The following BCAR1 variants were observed in gnomAD, a reference collection of about 807,000 sequenced individuals.
BCAR1 encodes BCAR1 scaffold protein, Cas family member.
BCAR1 carries 30 observed loss-of-function variants against 67.6 expected under a neutral mutation model. The observed-to-expected ratio is 0.44, with a 90% CI of 0.33 to 0.60. BCAR1 has a LOEUF of 0.60. BCAR1 is among the 20% of genes least tolerant of loss of function. The pLI, the probability that BCAR1 is intolerant of heterozygous loss-of-function variation, is 0.02. For missense variants in BCAR1, 1,313 were observed against 1,222.3 expected (o/e 1.07, Z -1.11); for synonymous variants, 626 against 556.7 (o/e 1.12, Z -1.75).
At position 75,229,873 on chromosome 16, in the gene BCAR1, A is replaced by C; in HGVS notation, c.2251T>G (p.Cys751Gly). The C allele has an allele frequency of 6.2e-7, 1 of 1,613,168 alleles. No individual in the cohort carries two copies. Among genetic ancestry groups the C allele is most frequent in the Non-Finnish European group, 8.5e-7 (1 of 1,179,932 alleles). ...GTCAGTGTGGTCAGGTTGGCCTCAC[A>C]CTGCTCCAGGTAGAAGAGCAGCAGC... ...RQLLLFYLEQ[C>G]EANLTTLTNA... The change falls in exon 7 of 7, where the codon TGT (cysteine) becomes GGT (glycine). Residue 751 changes from cysteine (C) to glycine (G), a missense_variant. By Grantham distance (159) the Cys-to-Gly change is radical. This residue lies in a region of BCAR1 where 1,272 missense variants were observed against 1,137.5 expected (regional missense o/e 1.12). Transcript: ENST00000162330.
rs569527168 is a variant in BCAR1 at position 75,238,667 on chromosome 16, C to T, written c.634-1323G>A. The T allele has an allele frequency of 1.3e-5, 13 of 986,004 alleles. No individual in the cohort carries two copies. The South Asian group carries it at 5.2e-4, about 39-fold the overall frequency. The allele number at this position is 986,004 out of a possible 1,614,324, so 61.1% of individuals were successfully genotyped here. A position where few individuals can be genotyped will look rare whatever the true frequency, so the allele number is the denominator to read the frequency against. On this transcript the variant is annotated intron_variant, in intron 2 of 6. Coordinates refer to ENST00000162330, the MANE Select transcript of BCAR1 (RefSeq NM_014567.5). ...TGGTAGCAGAGTCCCGGCTGGGGGC[C>T]TCCGTGGGGTGTCCCCGCCCCCTTC...
chr16:75,240,641 G>C (rs567719323), intron 2 of BCAR1, among the ~76,000 whole-genome samples: 52 of 152,304 alleles, frequency 3.4e-4, no homozygotes, highest in African/African-American at 1.1e-3. Flanking sequence ...CATACATTAT[G>C]CATTTTCTAC....
chr16:75,229,499 G>C lies in BCAR1; in HGVS notation c.*12C>G, dbSNP rs891254433. The C allele has an allele frequency of 1.9e-6, 3 of 1,545,096 alleles. No homozygotes were observed. The highest frequency in any genetic ancestry group is 4.2e-4 in the Middle Eastern group (2 of 4,718). On this transcript the variant is annotated 3_prime_UTR_variant, in exon 7 of 7. Transcript: ENST00000162330. Reference sequence around the variant, plus strand: ...GCACCCCTCCCCTGCCTCCCTCCTGGGGTCACCACCCTCAGGCGGCTGCCA... The same window carrying C: ...GCACCCCTCCCCTGCCTCCCTCCTGCGGTCACCACCCTCAGGCGGCTGCCA...
chr16:75,236,055 C>T lies in BCAR1; in HGVS notation c.913-69G>A. 5 of 1,485,246 alleles carry T rather than the reference C, an allele frequency of 3.4e-6. No individual in the cohort carries two copies. In the South Asian group the frequency reaches 4.0e-5, roughly 12 times the overall value. 92.0% of individuals were successfully genotyped at this position (1,485,246 alleles called of 1,614,324 possible). On this transcript the variant is annotated intron_variant, in intron 4 of 6. Coordinates refer to ENST00000162330, the MANE Select transcript of BCAR1 (RefSeq NM_014567.5). ...CCCACCCCAGGGACTGGGGGCAGCA[C>T]CCAGCCACACACACACACACACGTA...
At chr16:75,238,403 C>T (rs1219151835) in intron 2 of BCAR1, 6 of 1,067,896 alleles carry the variant, frequency 5.6e-6, no homozygotes, top group East Asian at 1.1e-4. Flanking sequence ...GACTCAGGGC[C>T]TCCCCGCACA....
In BCAR1 at chr16:75,242,556, G is replaced by T; in HGVS notation, c.547C>A (p.Pro183Thr). 2.7e-6 allele frequency: 4 copies of T among 1,493,054 alleles called. No homozygotes were observed. Among genetic ancestry groups the T allele is most frequent in the Non-Finnish European group, 3.6e-6 (4 of 1,121,730 alleles). 92.5% of individuals were successfully genotyped at this position (1,493,054 alleles called of 1,614,324 possible). A position where few individuals can be genotyped will look rare whatever the true frequency, so the allele number is the denominator to read the frequency against. ...GPAQDIYQVP[P>T]SAGMGHDIYQ... ...ATGTCATGCCCCATCCCGGCAGAAG[G>T]TGGCACCTGGTAAATATCCTGGGCA... is the stretch of plus-strand genomic sequence containing the variant. Residue 183 changes from proline to threonine, a missense_variant, in exon 2 of 7, where the codon CCT (proline) becomes ACT (threonine). Around this residue, in one of 2 missense-constraint regions of BCAR1, gnomAD observed 1,272 missense variants for 1,137.5 expected, o/e 1.12. Transcript: ENST00000162330.
intron 1 of BCAR1, chr16:75,250,862 G>T: frequency 1.0e-6 from 1 of 985,466 alleles, no homozygotes; most frequent in African/African-American, 1.7e-5. Context: ...GGCGCTCGGC[G>T]TGCGGGGCTG....
chr16:75,266,693 C>A, intron 1 of BCAR1: 1 of 1,368,038 alleles, frequency 7.3e-7, no homozygotes, highest in Non-Finnish European at 9.6e-7. Flanking sequence ...TTTCATAGGC[C>A]CAGGCACTGA....
rs939322378 is a variant in BCAR1, at chr16:75,229,172, G to A, written c.*339C>T. 15 of 271,166 alleles carry A rather than the reference G, an allele frequency of 5.5e-5. No homozygotes were observed. The highest frequency in any genetic ancestry group is 1.4e-4 in the South Asian group (1 of 7,380). The allele number at this position is 271,166 out of a possible 1,614,324, so 16.8% of individuals were successfully genotyped here. A position where few individuals can be genotyped will look rare whatever the true frequency, so the allele number is the denominator to read the frequency against. ...CTGCACTGGCCCTGTCAGGGGACAC[G>A]GCACCCTCGTGGGACCAGGCTCAGC... is the stretch of plus-strand genomic sequence containing the variant. On this transcript the variant is annotated 3_prime_UTR_variant, in exon 7 of 7. Transcript: ENST00000162330.
At chr16:75,267,983 C>T in exon 1 of BCAR1, 1 of 1,581,294 alleles carries the variant, frequency 6.3e-7, no homozygotes, top group African/African-American at 1.3e-5. Context: ...CAGTGCATGC[C>T]CTCTCCTGAC....
upstream of BCAR1, among the ~76,000 whole-genome samples, chr16:75,252,750 G>A (rs574765854): frequency 2.6e-5 from 4 of 152,348 alleles, no homozygotes; most frequent in African/African-American, 9.6e-5. Flanking sequence ...ACAAGCCCAG[G>A]TGGGCCTGCA....
chr16:75,251,464 C>A lies in BCAR1; in HGVS notation c.12+7G>T. 1 of 1,451,948 alleles carries A rather than the reference C, an allele frequency of 6.9e-7. No individual in the cohort carries two copies. 89.9% of individuals were successfully genotyped at this position (1,451,948 alleles called of 1,614,324 possible). ...GTACGCGGCCCGGCCCCACCTGGCGCCCTCACCAGGTGGTTCATGGTGTCC... is the reference window on the plus strand; with the variant it reads ...GTACGCGGCCCGGCCCCACCTGGCGACCTCACCAGGTGGTTCATGGTGTCC... On this transcript the variant is annotated splice_region_variant and intron_variant, in intron 1 of 6. Transcript: ENST00000162330.
At chr16:75,236,591 A>C (rs1021812821) in intron 4 of BCAR1, 3 of 477,804 alleles carry the variant, frequency 6.3e-6, no homozygotes, top group East Asian at 3.4e-5. Flanking sequence ...TCCCCCCTTC[A>C]CTCTTGGAAG....
chr16:75,246,902 A>G (rs2077538364), intron 1 of BCAR1: 1 of 152,328 alleles, frequency 6.6e-6, no homozygotes, highest in African/African-American at 2.4e-5. Flanking sequence ...AAGGGACACA[A>G]CTGTGACCTC....
chr16:75,251,761 C>G, upstream of BCAR1: 1 of 850,696 alleles, frequency 1.2e-6, no homozygotes, highest in Non-Finnish European at 1.4e-6. Context: ...CAGACAGAAG[C>G]CCGCCCAGTA....
At position 75,236,184 on chromosome 16, in the gene BCAR1, C is replaced by T. The variant is rs574304214; in HGVS notation, c.913-198G>A. Reference sequence around the variant, plus strand: ...CACACACGCGCACACACACTCGCAGCCCTAGCACACACATCCTTCACAATT... The same window carrying T: ...CACACACGCGCACACACACTCGCAGTCCTAGCACACACATCCTTCACAATT... On this transcript the variant is annotated intron_variant, in intron 4 of 6. Coordinates refer to ENST00000162330, the MANE Select transcript of BCAR1 (RefSeq NM_014567.5). 282 of 646,684 alleles carry T rather than the reference C, an allele frequency of 4.4e-4. 1 individual carries two copies. The highest frequency in any genetic ancestry group is 1.7e-4 in the Non-Finnish European group (68 of 392,376). The allele number at this position is 646,684 out of a possible 1,614,324, so 40.1% of individuals were successfully genotyped here. A position where few individuals can be genotyped will look rare whatever the true frequency, so the allele number is the denominator to read the frequency against.
intron 1 of BCAR1, among the ~76,000 whole-genome samples, chr16:75,263,085 G>A (rs1490480917): frequency 1.3e-5 from 2 of 152,158 alleles, no homozygotes; most frequent in African/African-American, 4.8e-5. Flanking sequence ...GTGAGGTCCT[G>A]AGCCCAGTGC....
chr16:75,228,568 C>T lies in BCAR1; in HGVS notation c.*943G>A, dbSNP rs1343577145. 7 of 152,322 alleles carry T rather than the reference C, an allele frequency of 4.6e-5. No individual in the cohort carries two copies. The highest frequency in any genetic ancestry group is 1.7e-4 in the African/African-American group (7 of 41,458). 9.4% of individuals were successfully genotyped at this position (152,322 alleles called of 1,614,324 possible). Reference sequence around the variant, plus strand: ...AATTCCATGTGCACTTCGGGAGTTCCGCAGGCTGGGATGAGATTCTTTTAA... The same window carrying T: ...AATTCCATGTGCACTTCGGGAGTTCTGCAGGCTGGGATGAGATTCTTTTAA... On this transcript the variant is annotated 3_prime_UTR_variant, in exon 7 of 7. Coordinates refer to ENST00000162330, the MANE Select transcript of BCAR1 (RefSeq NM_014567.5).
chr16:75,247,847 G>C (rs969008582), intron 1 of BCAR1: 3 of 602,834 alleles, frequency 5.0e-6, no homozygotes, highest in Non-Finnish European at 8.9e-6. Flanking sequence ...CACAAGGTGG[G>C]AGCTGGGAGA....
Sources: allele counts gnomAD v4.1 joint callset (sites outside exome capture counted in the v4.1 genomes callset), GRCh38; gene constraint gnomAD v4.1.1; regional missense constraint gnomAD v4.1.1; transcripts MANE v1.5; gene names NCBI Gene and HGNC (gene_info 2026-07-23, HGNC 2026-07-21).